CEP164: variants seen among roughly 807,000 people sequenced by gnomAD.
CEP164 encodes the protein centrosomal protein 164, also known as centrosomal protein of 164 kDa.
CEP164 carries 162 observed loss-of-function variants against 182.7 expected under a neutral mutation model. The observed-to-expected ratio is 0.89, with a 90% CI of 0.78 to 1.01. The LOEUF (loss-of-function observed/expected upper bound fraction) is 1.01, where lower values mean the gene tolerates loss of function less well. Among genes scored for constraint, CEP164 ranks in the 50% least tolerant of loss-of-function variants. The pLI is 0.00. For synonymous variants in CEP164, 661 were observed against 690.0 expected (o/e 0.96, Z 0.66); for missense variants, 1,735 against 1,790.4 (o/e 0.97, Z 0.56).
At chr11:117,360,473 C>G (rs946806055) in intron 5 of CEP164, among the ~76,000 whole-genome samples, 1 of 152,192 alleles carries the variant, frequency 6.6e-6, no homozygotes, top group Non-Finnish European at 1.5e-5. Flanking sequence ...TGGGCTCAAG[C>G]AGTCCATCCT....
At chr11:117,345,475 T>C (rs2038753760) in intron 4 of CEP164, among the ~76,000 whole-genome samples, 1 of 152,206 alleles carries the variant, frequency 6.6e-6, no homozygotes. Flanking sequence ...GGTATTTCCC[T>C]ATGCTTATCC....
At position 117,413,059 on chromosome 11, in the gene CEP164, T is replaced by TCAGG. The variant is rs1044490631; in HGVS notation, c.*902_*905dup. On this transcript the variant is annotated 3_prime_UTR_variant, in exon 33 of 33. Coordinates refer to ENST00000278935, the MANE Select transcript of CEP164 (RefSeq NM_014956.5). Reference sequence around the variant, plus strand: ...CCCCTGCCCTGATTCCACGGCTGCCTCAGGCAGGCAGGCAAGGAGCTAGGC... The same window carrying TCAGG: ...CCCCTGCCCTGATTCCACGGCTGCCTCAGGCAGGCAGGCAGGCAAGGAGCTAGGC... 32 of 152,354 alleles carry TCAGG rather than the reference T, an allele frequency of 2.1e-4. No homozygotes were observed. Among genetic ancestry groups the TCAGG allele is most frequent in the African/African-American group, 7.7e-4 (32 of 41,560 alleles). 9.4% of individuals were successfully genotyped at this position (152,354 alleles called of 1,614,324 possible).
At chr11:117,383,373 G>A (rs1318049491) in intron 14 of CEP164, among the ~76,000 whole-genome samples, 3 of 152,162 alleles carry the variant, frequency 2.0e-5, no homozygotes, top group African/African-American at 7.2e-5. Context: ...CACTCAAACA[G>A]GGAATGTCTC....
At chr11:117,332,490 C>T (rs896178242) in intron 1 of CEP164, among the ~76,000 whole-genome samples, 6 of 152,040 alleles carry the variant, frequency 3.9e-5, no homozygotes, top group Admixed American at 1.3e-4. Context: ...GCAGGAGAAT[C>T]GCTTGAACCC....
At chr11:117,369,916 AG>A (rs1219160222) in intron 8 of CEP164, among the ~76,000 whole-genome samples, 11 of 152,220 alleles carry the variant, frequency 7.2e-5, no homozygotes, top group Non-Finnish European at 1.6e-4. Context: ...GACCCTGCCA[AG>A]GGGAGCTTAG....
chr11:117,394,869 A>C lies in CEP164; in HGVS notation c.2761-51A>C. 2 of 1,578,690 alleles carry C rather than the reference A, an allele frequency of 1.3e-6. No individual in the cohort carries two copies. The highest frequency in any genetic ancestry group is 1.1e-5 in the South Asian group (1 of 89,500). On this transcript the variant is annotated intron_variant, in intron 21 of 32. Coordinates refer to ENST00000278935, the MANE Select transcript of CEP164 (RefSeq NM_014956.5). This position sits in a 1 kb window ranked among gnomAD's most constrained non-coding sequence, Gnocchi z 4.0. The stretch of plus-strand genomic sequence containing the variant: ...GTTCTGGAACCCCCTCCTGCCCCTC[A>C]GCTAATGCCTTACACTCTTTCTATG...
intron 11 of CEP164, among the ~76,000 whole-genome samples, 159 bp from the exon 12 acceptor site, chr11:117,380,454 CT>C (rs1177649531): frequency 1.3e-5 from 2 of 152,202 alleles, no homozygotes; most frequent in Non-Finnish European, 2.9e-5. Context: ...GGAAGCTTCA[CT>C]GTGCAGTAGA....
intron 5 of CEP164, among the ~76,000 whole-genome samples, chr11:117,353,603 C>T (rs1017443788): frequency 3.9e-5 from 6 of 152,028 alleles, no homozygotes; most frequent in African/African-American, 1.2e-4. Context: ...GAGTTCCCTC[C>T]GTGGTTTCAG....
intron 8 of CEP164, among the ~76,000 whole-genome samples, chr11:117,369,676 G>T (rs762061622): frequency 6.6e-6 from 1 of 151,790 alleles, no homozygotes; most frequent in Admixed American, 6.6e-5. Context: ...CTCATTGGAA[G>T]TTATTCAGTC....
rs112209873 is a variant in CEP164 at position 117,381,729 on chromosome 11, C to G, written c.1438C>G (p.Arg480Gly). 1 of 1,609,870 alleles carries G rather than the reference C, an allele frequency of 6.2e-7. No homozygotes were observed. Among genetic ancestry groups the G allele is most frequent in the South Asian group, 1.1e-5 (1 of 90,054 alleles). ...ATCTCCTCCACTTCCACACGAGGAG[C>G]GGGCCCAGAGTCCCCCTCGCAGCCT... ...RLSPPLPHEE[R>G]AQSPPRSLAT... Residue 480 changes from arginine (R) to glycine (G), a missense_variant, in exon 13 of 33, where the codon CGG (arginine) becomes GGG (glycine). By Grantham distance (125) the Arg-to-Gly change is moderately radical (BLOSUM62 -2). Coordinates refer to ENST00000278935, the MANE Select transcript of CEP164 (RefSeq NM_014956.5).
At chr11:117,348,961 G>T (rs1196146987) in intron 4 of CEP164, among the ~76,000 whole-genome samples, 2 of 152,148 alleles carry the variant, frequency 1.3e-5, no homozygotes, top group African/African-American at 4.8e-5. Flanking sequence ...GTTGTAGCAT[G>T]CGTGAGAATT....
At chr11:117,376,301 T>G (rs932974029) in intron 11 of CEP164, among the ~76,000 whole-genome samples, 1 of 152,224 alleles carries the variant, frequency 6.6e-6, no homozygotes, top group African/African-American at 2.4e-5. Context: ...AATTGTTCCC[T>G]TTCTTTGCTC....
intron 4 of CEP164, among the ~76,000 whole-genome samples, chr11:117,348,596 T>A (rs1479857745): frequency 1.3e-5 from 2 of 152,232 alleles, no homozygotes; most frequent in Non-Finnish European, 1.5e-5. Context: ...TTTGTCATAC[T>A]GAAGTCAATA....
At chr11:117,356,042 C>A in intron 5 of CEP164, 2 of 1,122,068 alleles carry the variant, frequency 1.8e-6, no homozygotes, top group South Asian at 2.1e-5. Context: ...GGCCTCACAC[C>A]TGGGCTCTCC....
At position 117,371,417 on chromosome 11, in the gene CEP164, C is replaced by A; in HGVS notation, c.1103C>A (p.Pro368Gln). 6.2e-7 allele frequency: 1 copy of A among 1,613,920 alleles called. No individual in the cohort carries two copies. Among genetic ancestry groups the A allele is most frequent in the Non-Finnish European group, 8.5e-7 (1 of 1,179,940 alleles). The change falls in exon 9 of 33, where the codon CCA becomes CAA. Residue 368 changes from proline (P) to glutamine (Q), a missense_variant. Coordinates refer to ENST00000278935, the MANE Select transcript of CEP164 (RefSeq NM_014956.5). Reference protein sequence around the residue: ...GSRREEAAKEPKKKASALEEG... With the variant: ...GSRREEAAKEQKKKASALEEG... ...AGGAGGGAAGAGGCAGCCAAGGAGC[C>A]AAAGAAGAAGGCTTCTGCTCTGGAA... is the stretch of plus-strand genomic sequence containing the variant.
In CEP164 at chr11:117,396,409, A is replaced by G. The variant is rs562737036; in HGVS notation, c.3217-141A>G. The G allele has an allele frequency of 9.0e-5, 74 of 817,974 alleles. No homozygotes were observed. In the Middle Eastern group the frequency reaches 1.6e-3, roughly 18 times the overall value. 50.7% of individuals were successfully genotyped at this position (817,974 alleles called of 1,614,324 possible). A position where few individuals can be genotyped will look rare whatever the true frequency, so the allele number is the denominator to read the frequency against. On this transcript the variant is annotated intron_variant, in intron 25 of 32. Transcript: ENST00000278935. Reference sequence around the variant, plus strand: ...GCTACCAGTCGTCTCCACCAGTCAGATGATATCTATAAGTAAACAGTGCCT... The same window carrying G: ...GCTACCAGTCGTCTCCACCAGTCAGGTGATATCTATAAGTAAACAGTGCCT...
chr11:117,346,274 CT>C (rs879285650), intron 4 of CEP164, among the ~76,000 whole-genome samples: 78 of 145,142 alleles, frequency 5.4e-4, no homozygotes, highest in Admixed American at 5.5e-4. Context: ...TTATTTTTCA[CT>C]TTTTTTTTTT....
chr11:117,409,630 C>A lies in CEP164; in HGVS notation c.3761C>A (p.Pro1254Gln). The change falls in exon 30 of 33, where the codon CCG becomes CAG. Residue 1254 changes from proline (P) to glutamine (Q), a missense_variant. Physicochemically the swap from Pro to Gln is moderately conservative, Grantham distance 76. Transcript: ENST00000278935. The surrounding 1 kb of genome is among the most constrained non-coding windows in gnomAD (Gnocchi z 4.4). The stretch of plus-strand genomic sequence containing the variant: ...TCTTTTCTTTCAGTCGACTCAACCC[C>A]GAGTCTCACCTCCCGCAAGATCCAC... Reference protein sequence around the residue: ...WWRQQRIDSTPSLTSRKIHGL... With the variant: ...WWRQQRIDSTQSLTSRKIHGL... 6.2e-7 allele frequency: 1 copy of A among 1,607,944 alleles called. No individual in the cohort carries two copies. Among genetic ancestry groups the A allele is most frequent in the Non-Finnish European group, 8.5e-7 (1 of 1,175,142 alleles).
chr11:117,396,394 G>A (rs900407921), intron 25 of CEP164, among the ~76,000 whole-genome samples, 156 bp from the exon 26 acceptor site: 10 of 152,194 alleles, frequency 6.6e-5, no homozygotes, highest in Non-Finnish European at 1.2e-4. Flanking sequence ...GCTACCAGTC[G>A]TCTCCACCAG....
Sources: gnomAD v4.1 joint callset for allele counts (sites outside exome capture counted in the v4.1 genomes callset) on GRCh38, gnomAD v4.1.1 for gene constraint, Gnocchi (gnomAD v3.1) non-coding constraint, MANE v1.5 for transcripts, NCBI Gene and HGNC (gene_info 2026-07-23, HGNC 2026-07-21) for gene names.